The following SAMD5 variants were observed in gnomAD, a reference collection of about 807,000 sequenced individuals.
The protein encoded by SAMD5 is sterile alpha motif domain containing 5, also known as sterile alpha motif domain-containing protein 5.
In SAMD5, 13 loss-of-function variants were observed where a neutral mutation model predicts 11.3. The ratio of observed to expected loss-of-function variants is 1.15; its 90% CI spans 0.75 to 1.83. The LOEUF is 1.83. Among genes scored for constraint, SAMD5 ranks in the 40% most tolerant of loss-of-function variants. The probability of loss-of-function intolerance (pLI) is 0.00; values close to 1 mark genes in which losing one functional copy is unlikely to be tolerated. For missense variants in SAMD5, 255 were observed against 239.1 expected, an observed-to-expected ratio of 1.07 and a Z score of -0.44; for synonymous variants, 129 against 111.3, an observed-to-expected ratio of 1.16 and a Z score of -1.00.
chr6:147,871,674 T>G, the SAMD5 span, among the ~76,000 whole-genome samples: 7 of 152,368 alleles, frequency 4.6e-5, no homozygotes, highest in Non-Finnish European at 7.3e-5. Context: ...TCTCTAGTGC[T>G]ATCTAGAACC....
At chr6:147,692,415 T>G (rs908968883) in intron 1 of SAMD5, 2 of 152,232 alleles carry the variant, frequency 1.3e-5, no homozygotes, top group African/African-American at 4.8e-5. Flanking sequence ...CATTTTCTTC[T>G]GTCACTGGAG....
At chr6:147,758,677 G>A in the SAMD5 span, among the ~76,000 whole-genome samples, 1 of 152,064 alleles carries the variant, frequency 6.6e-6, no homozygotes, top group Non-Finnish European at 1.5e-5. Flanking sequence ...ATCGAGTCAG[G>A]GCATACCTTC....
chr6:147,551,203 T>C (rs1184385882), intron 1 of SAMD5, among the ~76,000 whole-genome samples: 1 of 152,194 alleles, frequency 6.6e-6, no homozygotes, highest in Non-Finnish European at 1.5e-5. Flanking sequence ...CAAATTCTCA[T>C]AGTGTCTAGG....
intron 1 of SAMD5, among the ~76,000 whole-genome samples, chr6:147,550,965 T>A (rs1788762017): frequency 6.6e-6 from 1 of 152,138 alleles, no homozygotes. Context: ...AACACACAGA[T>A]TTTCGTTGTG....
the SAMD5 span, among the ~76,000 whole-genome samples, chr6:147,909,622 T>TTCTCTCTCTCTCTC: frequency 0.066 from 4,634 of 69,718 alleles, 338 homozygotes; most frequent in Non-Finnish European, 0.085. Context: ...CTTTCTTTCT[T>TTCTCTCTCTCTCTC]TCTTTCTTTC....
the SAMD5 span, among the ~76,000 whole-genome samples, chr6:147,816,317 T>A: frequency 3.5e-3 from 446 of 127,934 alleles, 2 homozygotes; most frequent in Non-Finnish European, 5.9e-3. Flanking sequence ...TATATATATA[T>A]ATATATATAT....
the SAMD5 span, among the ~76,000 whole-genome samples, chr6:147,816,301 A>AAATATATATATATATATAT: frequency 1.4e-4 from 9 of 66,350 alleles, no homozygotes; most frequent in Non-Finnish European, 2.1e-4. Context: ...AAAAAAAAAA[A>AAATATATATATATATATAT]ATATATATAT....
At chr6:147,914,664 T>A in the SAMD5 span, among the ~76,000 whole-genome samples, 10 of 152,264 alleles carry the variant, frequency 6.6e-5, no homozygotes, top group East Asian at 3.9e-4. Flanking sequence ...GCAGAATATG[T>A]TTGCATTGAC....
At chr6:147,751,152 A>G in the SAMD5 span, among the ~76,000 whole-genome samples, 1 of 152,048 alleles carries the variant, frequency 6.6e-6, no homozygotes, top group Non-Finnish European at 1.5e-5. Context: ...TTCTTCTTGG[A>G]AAGTTCTCTT....
At chr6:147,708,331 C>G (rs1791352760) in intron 1 of SAMD5, among the ~76,000 whole-genome samples, 2 of 152,216 alleles carry the variant, frequency 1.3e-5, no homozygotes, top group South Asian at 4.1e-4. Flanking sequence ...CCTTCCCTCA[C>G]AACCCTCAGA....
chr6:147,535,716 A>G (rs1409649806), intron 1 of SAMD5, among the ~76,000 whole-genome samples: 1 of 152,196 alleles, frequency 6.6e-6, no homozygotes, highest in Admixed American at 6.5e-5. Flanking sequence ...AGACTTTTTG[A>G]AAGTCGAGCC....
the SAMD5 span, among the ~76,000 whole-genome samples, chr6:147,896,234 T>A: frequency 6.6e-6 from 1 of 152,150 alleles, no homozygotes; most frequent in African/African-American, 2.4e-5. Flanking sequence ...ACACATTGTG[T>A]GGTGGGTGTG....
At chr6:147,912,896 A>C in the SAMD5 span, among the ~76,000 whole-genome samples, 3 of 145,300 alleles carry the variant, frequency 2.1e-5, no homozygotes, top group African/African-American at 7.7e-5. Flanking sequence ...CTTATTTTAC[A>C]AAAAAAAAAA....
intron 1 of SAMD5, among the ~76,000 whole-genome samples, chr6:147,606,341 T>C (rs1362156478): frequency 6.6e-6 from 1 of 152,108 alleles, no homozygotes; most frequent in African/African-American, 2.4e-5. Flanking sequence ...TCCCACTTGA[T>C]TTCCTTCTTG....
chr6:147,550,371 A>G (rs984992306), intron 1 of SAMD5, among the ~76,000 whole-genome samples: 3 of 152,114 alleles, frequency 2.0e-5, no homozygotes, highest in African/African-American at 7.2e-5. Context: ...TAAAAATAGA[A>G]CTACCATTTG....
In SAMD5 at chr6:147,593,992, G is replaced by A. The variant is rs563855324; in HGVS notation, c.162+84605G>A. Among the ~76,000 whole-genome samples the A allele has an allele frequency of 1.1e-4, 16 of 152,188 alleles. No individual in the cohort carries two copies. The South Asian group carries it at 2.3e-3, about 22-fold the overall frequency. ...AAAATACAAAAATTAGCCTGGCTTGGTGTGCAGGTGCCTGTAATCCCAGAT... is the reference window on the plus strand; with the variant it reads ...AAAATACAAAAATTAGCCTGGCTTGATGTGCAGGTGCCTGTAATCCCAGAT... On this transcript the variant is annotated intron_variant, in intron 1 of 1. Transcript: ENST00000566741.
chr6:147,952,603 C>T, the SAMD5 span, among the ~76,000 whole-genome samples: 6 of 152,154 alleles, frequency 3.9e-5, no homozygotes, highest in African/African-American at 1.2e-4. Flanking sequence ...CACTGCCTCC[C>T]AGGTTCAAGT....
intron 1 of SAMD5, among the ~76,000 whole-genome samples, chr6:147,715,402 T>A (rs1791452780): frequency 1.3e-5 from 2 of 152,124 alleles, no homozygotes; most frequent in South Asian, 4.1e-4. Flanking sequence ...TTGGACCAGG[T>A]GTACTGCAAG....
chr6:147,947,203 C>A, the SAMD5 span, among the ~76,000 whole-genome samples: 1 of 152,074 alleles, frequency 6.6e-6, no homozygotes, highest in Non-Finnish European at 1.5e-5. Context: ...CTTTTGCTTG[C>A]CTGTGGTTGT....
Sources: allele counts gnomAD v4.1 joint callset (sites outside exome capture counted in the v4.1 genomes callset), GRCh38; gene constraint gnomAD v4.1.1; transcripts MANE v1.5; gene names NCBI Gene and HGNC (gene_info 2026-07-23, HGNC 2026-07-21).